METTL25: variants seen among roughly 807,000 people sequenced by gnomAD.
METTL25 encodes the protein probable methyltransferase-like protein 25.
METTL25 carries 64 observed loss-of-function variants against 71.6 expected under a neutral mutation model. The observed-to-expected ratio is 0.89, with a 90% CI of 0.73 to 1.10. METTL25 has a LOEUF of 1.10. Among genes scored for constraint, METTL25 ranks in the 50% least tolerant of loss-of-function variants. METTL25 has a pLI of 0.00. For missense variants in METTL25, 807 were observed against 707.0 expected (o/e 1.14, Z -1.60); for synonymous variants, 287 against 250.3 (o/e 1.15, Z -1.38).
In METTL25 at chr12:82,436,473, C is replaced by T. The variant is rs1037112410; in HGVS notation, c.1404+1749C>T. On this transcript the variant is annotated intron_variant, in intron 7 of 11. Coordinates refer to ENST00000248306, the MANE Select transcript of METTL25 (RefSeq NM_032230.3). ...AGATACTGATTCCCTTTCCACTTAC[C>T]CATTTGTATTTACCAGGATAGGTAG... Among the ~76,000 whole-genome samples the T allele has an allele frequency of 2.6e-5, 4 of 151,496 alleles. No homozygotes were observed. The South Asian group carries it at 8.3e-4, about 31-fold the overall frequency.
chr12:82,387,031 A>G (rs897907306), intron 2 of METTL25, 64 bp downstream of exon 2: 8 of 1,309,208 alleles, frequency 6.1e-6, no homozygotes, highest in African/African-American at 1.5e-5. Flanking sequence ...CTTTGTTCAT[A>G]TATGTGTATC....
intron 8 of METTL25, among the ~76,000 whole-genome samples, chr12:82,441,481 T>G (rs1890320877): frequency 6.6e-6 from 1 of 151,798 alleles, no homozygotes; most frequent in Non-Finnish European, 1.5e-5. Context: ...ATAGATGTAC[T>G]TTTCTCTGTT....
intron 4 of METTL25, among the ~76,000 whole-genome samples, chr12:82,400,270 T>C (rs1159167000): frequency 6.6e-6 from 1 of 151,764 alleles, no homozygotes; most frequent in South Asian, 2.1e-4. Flanking sequence ...AGGTGGAGCT[T>C]GCAGTGAGCC....
intron 3 of METTL25, among the ~76,000 whole-genome samples, chr12:82,394,083 T>C (rs1032679762): frequency 6.6e-6 from 1 of 152,212 alleles, no homozygotes; most frequent in Middle Eastern, 3.4e-3. Flanking sequence ...TTTGACATAA[T>C]TTCAATTTTG....
chr12:82,429,293 G>T (rs1193265028), intron 5 of METTL25, among the ~76,000 whole-genome samples: 1 of 151,138 alleles, frequency 6.6e-6, no homozygotes, highest in African/African-American at 2.4e-5. Flanking sequence ...GAGTGAGAAT[G>T]TGCAATATTT....
At chr12:82,409,020 A>G (rs1264109958) in intron 5 of METTL25, among the ~76,000 whole-genome samples, 3 of 152,096 alleles carry the variant, frequency 2.0e-5, no homozygotes, top group Non-Finnish European at 4.4e-5. Context: ...TGAGTTATTA[A>G]TAGTCTAGCA....
intron 5 of METTL25, among the ~76,000 whole-genome samples, chr12:82,419,093 A>G (rs75952181): frequency 0.019 from 2,860 of 152,258 alleles, 86 homozygotes; most frequent in African/African-American, 0.065. Context: ...GCAGATGCTG[A>G]TCAAGAGGCA....
intron 9 of METTL25, among the ~76,000 whole-genome samples, chr12:82,462,225 T>G (rs1891928363): frequency 6.6e-6 from 1 of 152,206 alleles, no homozygotes; most frequent in African/African-American, 2.4e-5. Flanking sequence ...TTGAAGAGGC[T>G]CTCACTGGCT....
At chr12:82,396,629 A>G (rs939571992) in intron 3 of METTL25, among the ~76,000 whole-genome samples, 1 of 151,966 alleles carries the variant, frequency 6.6e-6, no homozygotes, top group Non-Finnish European at 1.5e-5. Context: ...TTTTTGTTTC[A>G]TTGAATGTGT....
chr12:82,380,111 G>A (rs536715178), intron 1 of METTL25, among the ~76,000 whole-genome samples: 65 of 152,224 alleles, frequency 4.3e-4, no homozygotes, highest in African/African-American at 1.6e-3. Flanking sequence ...GCCTATTTAT[G>A]TTCTAGGCTG....
intron 1 of METTL25, among the ~76,000 whole-genome samples, chr12:82,367,240 A>G (rs1042364926): frequency 6.6e-6 from 1 of 152,088 alleles, no homozygotes; most frequent in Non-Finnish European, 1.5e-5. Flanking sequence ...CAATCATCAT[A>G]TATTTGGTTG....
chr12:82,395,825 G>C (rs1407870401), intron 3 of METTL25, among the ~76,000 whole-genome samples: 1 of 151,982 alleles, frequency 6.6e-6, no homozygotes, highest in Non-Finnish European at 1.5e-5. Flanking sequence ...AGGAGATCAG[G>C]GTGGTGGGGA....
chr12:82,364,860 C>G (rs188516804), intron 1 of METTL25, among the ~76,000 whole-genome samples: 3 of 152,060 alleles, frequency 2.0e-5, no homozygotes, highest in African/African-American at 7.2e-5. Context: ...AAATAACATA[C>G]TATTGTTATT....
intron 1 of METTL25, among the ~76,000 whole-genome samples, chr12:82,375,443 A>AT (rs1883739678): frequency 1.2e-4 from 2 of 17,070 alleles, no homozygotes; most frequent in South Asian, 4.1e-3. Context: ...AGCTGTGAGG[A>AT]AAAAAAAAAA....
chr12:82,401,275 A>T (rs1340562054), intron 4 of METTL25, among the ~76,000 whole-genome samples: 1 of 152,112 alleles, frequency 6.6e-6, no homozygotes, highest in Non-Finnish European at 1.5e-5. Flanking sequence ...AAACAATTAT[A>T]TGCTGACAAT....
intron 7 of METTL25, among the ~76,000 whole-genome samples, chr12:82,435,056 A>T (rs1207239444): frequency 1.3e-5 from 2 of 151,546 alleles, no homozygotes; most frequent in African/African-American, 4.8e-5. Flanking sequence ...TATATTATTC[A>T]GTGCATTATT....
intron 5 of METTL25, among the ~76,000 whole-genome samples, chr12:82,404,949 G>A (rs76690706): frequency 2.5e-4 from 36 of 146,536 alleles, no homozygotes; most frequent in Non-Finnish European, 3.0e-4. Context: ...CATCTCAAAA[G>A]AAAAAAAAAA....
At chr12:82,443,320 C>G (rs537762007) in intron 8 of METTL25, among the ~76,000 whole-genome samples, 7 of 151,326 alleles carry the variant, frequency 4.6e-5, no homozygotes, top group Non-Finnish European at 4.4e-5. Context: ...AGCAGAATAC[C>G]CCTAAAGGAA....
chr12:82,389,967 CT>C, intron 3 of METTL25, 45 bp downstream of exon 3: 1 of 1,075,402 alleles, frequency 9.3e-7, no homozygotes. Flanking sequence ...ATTATTGCCA[CT>C]TTTTGGTATT....
Sources: gnomAD v4.1 joint callset for allele counts (sites outside exome capture counted in the v4.1 genomes callset) on GRCh38, gnomAD v4.1.1 for gene constraint, MANE v1.5 for transcripts, NCBI Gene and HGNC (gene_info 2026-07-23, HGNC 2026-07-21) for gene names.